DZIP3: variants seen among roughly 807,000 people sequenced by gnomAD.
DZIP3 encodes E3 ubiquitin-protein ligase DZIP3.
Under a neutral mutation model 162.0 loss-of-function variants are expected in DZIP3, and 118 were observed. The observed-to-expected ratio is 0.73, with a 90% CI of 0.63 to 0.85. The LOEUF is 0.85. Among genes scored for constraint, DZIP3 ranks in the 40% least tolerant of loss-of-function variants. The pLI is 0.00. For synonymous variants in DZIP3, 438 were observed against 458.6 expected (o/e 0.96, Z 0.57); for missense variants, 1,331 against 1,407.0 (o/e 0.95, Z 0.86).
intron 4 of DZIP3, among the ~76,000 whole-genome samples, chr3:108,612,983 CT>C (rs1362115611): frequency 6.6e-6 from 1 of 152,110 alleles, no homozygotes; most frequent in African/African-American, 2.4e-5. Context: ...TATCTGACCC[CT>C]GTACCAGTTC....
At chr3:108,687,940 T>C in intron 28 of DZIP3, 36 bp from the exon 29 acceptor site, 1 of 1,612,474 alleles carries the variant, frequency 6.2e-7, no homozygotes, top group South Asian at 1.1e-5. Context: ...CTAAGGAAAA[T>C]CATTACTGCC....
intron 5 of DZIP3, among the ~76,000 whole-genome samples, chr3:108,618,414 C>T (rs193285636): frequency 6.6e-5 from 10 of 152,104 alleles, no homozygotes; most frequent in Non-Finnish European, 1.0e-4. Context: ...CTATTCTAAG[C>T]GCTTTGTAAA....
intron 7 of DZIP3, among the ~76,000 whole-genome samples, chr3:108,626,656 T>C (rs1199121932): frequency 3.3e-5 from 5 of 152,210 alleles, no homozygotes; most frequent in African/African-American, 1.2e-4. Context: ...TGTTAGGTGT[T>C]GAGGTTACAG....
Position 108,693,695 on chromosome 3 carries a change from A to G in DZIP3, c.*342A>G, listed in dbSNP as rs1401404167. The G allele has an allele frequency of 6.6e-6, 1 of 152,180 alleles. No individual in the cohort carries two copies. The allele number at this position is 152,180 out of a possible 1,614,324, so 9.4% of individuals were successfully genotyped here. A position where few individuals can be genotyped will look rare whatever the true frequency, so the allele number is the denominator to read the frequency against. On this transcript the variant is annotated 3_prime_UTR_variant, in exon 33 of 33. Transcript: ENST00000361582. ...TCAGATATCAGGAAGTAGTAAGAAA[A>G]GGAGTTAATATGCAAACTAAATCAC... is the stretch of plus-strand genomic sequence containing the variant.
intron 28 of DZIP3, among the ~76,000 whole-genome samples, chr3:108,687,520 T>TA (rs1478341656): frequency 6.6e-6 from 1 of 152,190 alleles, no homozygotes; most frequent in Non-Finnish European, 1.5e-5. Context: ...TGTTTAATCT[T>TA]TGTTTTCTGA....
At chr3:108,616,864 C>T (rs1941046424) in intron 5 of DZIP3, among the ~76,000 whole-genome samples, 1 of 152,106 alleles carries the variant, frequency 6.6e-6, no homozygotes, top group Non-Finnish European at 1.5e-5. Flanking sequence ...ATGTCTTGTA[C>T]TTTCTCATGT....
At chr3:108,612,040 TAATA>T (rs1034205639) in intron 4 of DZIP3, among the ~76,000 whole-genome samples, 1 of 152,180 alleles carries the variant, frequency 6.6e-6, no homozygotes, top group African/African-American at 2.4e-5. Flanking sequence ...ATTATTTGTA[TAATA>T]AATATTCTGG....
chr3:108,636,623 G>A lies in DZIP3; in HGVS notation c.926G>A (p.Ser309Asn). The A allele has an allele frequency of 6.4e-7, 1 of 1,551,398 alleles. No individual in the cohort carries two copies. The highest frequency in any genetic ancestry group is 8.7e-7 in the Non-Finnish European group (1 of 1,155,994). Residue 309 changes from serine to asparagine, a missense_variant, in exon 11 of 33, where the codon AGT (serine) becomes AAT (asparagine). By Grantham distance (46) the Ser-to-Asn change is conservative. Around this residue, in one of 2 missense-constraint regions of DZIP3, gnomAD observed 1,278 missense variants for 1,317.1 expected, o/e 0.97. Coordinates refer to ENST00000361582, the MANE Select transcript of DZIP3 (RefSeq NM_014648.4). ...KYPGENDQSF[S>N]GKKCLKEGCT... ...TTCTATTAATAAATTTAGAGTTTTA[G>A]TGGGAAAAAATGTTTGAAGGAAGGA...
At chr3:108,654,332 G>T (rs1356455132) in intron 19 of DZIP3, 22 bp downstream of exon 19, 1 of 1,612,126 alleles carries the variant, frequency 6.2e-7, no homozygotes, top group Non-Finnish European at 8.5e-7. Flanking sequence ...TAGAGAGGGT[G>T]CCTGCCTTCT....
At position 108,686,868 on chromosome 3, in the gene DZIP3, T is replaced by A. The variant is rs143942805; in HGVS notation, c.3149+284T>A. Among the ~76,000 whole-genome samples, 821 of 152,278 alleles carry A rather than the reference T, an allele frequency of 5.4e-3. 1 individual carries two copies. The highest frequency in any genetic ancestry group is 0.017 in the Middle Eastern group (5 of 294). On this transcript the variant is annotated intron_variant, in intron 28 of 32. Transcript: ENST00000361582. ...TACAACTAGATGTAAACTTACCCAA[T>A]TTTAATGGCACTAACTGCCATTATT...
chr3:108,681,963 G>C (rs1447647736), intron 26 of DZIP3, among the ~76,000 whole-genome samples: 1 of 150,320 alleles, frequency 6.7e-6, no homozygotes, highest in Non-Finnish European at 1.5e-5. Flanking sequence ...AGCATTAGGA[G>C]AAATACCTAA....
At chr3:108,624,374 T>C in intron 5 of DZIP3, 70 bp from the exon 6 acceptor site, 1 of 814,134 alleles carries the variant, frequency 1.2e-6, no homozygotes, top group South Asian at 1.5e-5. Flanking sequence ...CTTAGGATAT[T>C]TAATTAAGCT....
Position 108,686,588 on chromosome 3 carries a change from C to G in DZIP3, c.3149+4C>G, listed in dbSNP as rs746455905. 8 of 1,594,634 alleles carry G rather than the reference C, an allele frequency of 5.0e-6. No individual in the cohort carries two copies. In the Admixed American group the frequency reaches 1.4e-4, roughly 29 times the overall value. On this transcript the variant is annotated splice_donor_region_variant and intron_variant, in intron 28 of 32. Transcript: ENST00000361582. ...CTGCCTTTCCACAGCAAACCAGGTA[C>G]CTTAGTTTTTATTTATTGGTGGGTA...
At chr3:108,643,883 A>G (rs1490975055) in intron 13 of DZIP3, among the ~76,000 whole-genome samples, 3 of 152,138 alleles carry the variant, frequency 2.0e-5, no homozygotes, top group African/African-American at 4.8e-5. Flanking sequence ...TGTTGTTGCT[A>G]AAGGTCATTT....
chr3:108,608,204 T>C, intron 3 of DZIP3, 46 bp downstream of exon 3: 3 of 727,336 alleles, frequency 4.1e-6, no homozygotes, highest in Non-Finnish European at 3.8e-6. Flanking sequence ...AATTGATAAT[T>C]AATTATATAT....
intron 1 of DZIP3, among the ~76,000 whole-genome samples, chr3:108,604,431 A>G (rs903260972): frequency 6.6e-6 from 1 of 152,234 alleles, no homozygotes; most frequent in South Asian, 2.1e-4. Flanking sequence ...AGCACAAAGC[A>G]CTGGAGTCTA....
chr3:108,671,699 T>G (rs1475931826), intron 22 of DZIP3, among the ~76,000 whole-genome samples: 2 of 151,896 alleles, frequency 1.3e-5, no homozygotes, highest in Non-Finnish European at 2.9e-5. Flanking sequence ...CAAAAAAGCT[T>G]ATAGAAATTT....
chr3:108,654,098 TTACTA>T, intron 18 of DZIP3, 42 bp from the exon 19 acceptor site: 3 of 1,586,246 alleles, frequency 1.9e-6, no homozygotes, highest in Non-Finnish European at 2.6e-6. Context: ...TAGATGAAAA[TTACTA>T]TACAATTGTA....
chr3:108,681,268 A>G (rs530222842), intron 26 of DZIP3, among the ~76,000 whole-genome samples: 95 of 152,340 alleles, frequency 6.2e-4, no homozygotes, highest in African/African-American at 2.2e-3. Flanking sequence ...AAGTGGGCAA[A>G]GGATATGAAC....
Sources: gnomAD v4.1 joint callset for allele counts (sites outside exome capture counted in the v4.1 genomes callset) on GRCh38, gnomAD v4.1.1 for gene constraint, gnomAD v4.1.1 regional missense constraint, MANE v1.5 for transcripts, NCBI Gene and HGNC (gene_info 2026-07-23, HGNC 2026-07-21) for gene names.